CFAP47: variants seen among roughly 807,000 people sequenced by gnomAD.
The protein encoded by CFAP47 is cilia and flagella associated protein 47.
A neutral mutation model predicts 148.1 loss-of-function variants in CFAP47; 29 were observed. The ratio of observed to expected loss-of-function variants is 0.20; its 90% CI spans 0.15 to 0.27. CFAP47 has a LOEUF of 0.27. CFAP47 is among the 10% of genes least tolerant of loss of function. CFAP47 has a pLI of 1.00. For synonymous variants in CFAP47, 664 were observed against 577.3 expected, an observed-to-expected ratio of 1.15 and a Z score of -2.15; for missense variants, 1,872 against 1,697.5, an observed-to-expected ratio of 1.10 and a Z score of -1.81.
At position 36,285,714 on chromosome X, in the gene CFAP47, A is replaced by T. The variant is rs181158804; in HGVS notation, c.7674A>T (p.Thr2558=). 167 of 1,153,746 alleles carry T rather than the reference A, an allele frequency of 1.4e-4. No individual in the cohort carries two copies. Among genetic ancestry groups the T allele is most frequent in the Middle Eastern group, 9.4e-4 (4 of 4,265 alleles). ...CACCCATAGAGATTATGGAAATGAC[A>T]TGTATTGCTCTGGTAAGTGCCCATT... is the stretch of plus-strand genomic sequence containing the variant. ...PGPPIEIMEM[T]CIALDSTCIE... Residue 2558 remains threonine, a synonymous_variant, in exon 51 of 64, where the codon ACA becomes ACT. Transcript: ENST00000378653.
intron 61 of CFAP47, among the ~76,000 whole-genome samples, chrX:36,364,048 A>G (rs782304690): frequency 8.9e-6 from 1 of 111,799 alleles, no homozygotes; most frequent in Non-Finnish European, 1.9e-5. Flanking sequence ...AGAACTTTTT[A>G]CCTGCTCAAG....
intron 51 of CFAP47, 30 bp from the exon 52 acceptor site, chrX:36,298,947 G>T: frequency 9.9e-7 from 1 of 1,011,946 alleles, no homozygotes; most frequent in Non-Finnish European, 1.4e-6. Flanking sequence ...GACACTAAAA[G>T]TTGATTACAT....
intron 44 of CFAP47, among the ~76,000 whole-genome samples, chrX:36,202,334 G>A (rs1048101179): frequency 2.7e-5 from 3 of 111,288 alleles, no homozygotes; most frequent in Non-Finnish European, 5.7e-5. Flanking sequence ...TCCAGCTAAC[G>A]TTTGTTAAAA....
intron 33 of CFAP47, among the ~76,000 whole-genome samples, chrX:36,137,674 T>C (rs1449205935): frequency 9.0e-6 from 1 of 110,920 alleles, no homozygotes; most frequent in African/African-American, 3.3e-5. Flanking sequence ...ATGGGTAATT[T>C]TGAAACATTG....
At chrX:35,972,143 T>G (rs760777521) in intron 13 of CFAP47, among the ~76,000 whole-genome samples, 178 bp downstream of exon 13, 45 of 112,307 alleles carry the variant, frequency 4.0e-4, no homozygotes, top group African/African-American at 1.4e-3. Flanking sequence ...TTTAGTAAAT[T>G]TAAAGTTATA....
At chrX:35,934,456 A>G (rs1258333562) in intron 2 of CFAP47, among the ~76,000 whole-genome samples, 1 of 110,840 alleles carries the variant, frequency 9.0e-6, no homozygotes, top group African/African-American at 3.3e-5. Flanking sequence ...CCTTCAGGTC[A>G]GTAAACTCCC....
Position 35,951,189 on chromosome X carries a change from C to A in CFAP47, c.715C>A (p.Gln239Lys). 2 of 1,210,892 alleles carry A rather than the reference C, an allele frequency of 1.7e-6. No individual in the cohort carries two copies. The highest frequency in any genetic ancestry group is 2.2e-6 in the Non-Finnish European group (2 of 894,999). Residue 239 changes from glutamine (Q) to lysine (K), a missense_variant, in exon 5 of 64, where the codon CAG becomes AAG. Transcript: ENST00000378653. ...GAGTATCAAAGCTCATGTGGTTGAG[C>A]AGATTATTGAATTATTAAGCATGAG... is the stretch of plus-strand genomic sequence containing the variant. The part of the protein sequence containing the change: ...LLSIKAHVVE[Q>K]IIELLSMSSD...
At chrX:35,981,608 G>T (rs953989932) in intron 15 of CFAP47, among the ~76,000 whole-genome samples, 1 of 111,117 alleles carries the variant, frequency 9.0e-6, no homozygotes, top group African/African-American at 3.3e-5. Flanking sequence ...TGGATTTGAT[G>T]TACAGATTGA....
intron 63 of CFAP47, among the ~76,000 whole-genome samples, chrX:36,382,835 CTA>C (rs782242057): frequency 9.0e-6 from 1 of 110,529 alleles, no homozygotes; most frequent in Non-Finnish European, 1.9e-5. Flanking sequence ...TGTGGTAATT[CTA>C]TGAGATGTTA....
At chrX:36,137,328 C>A (rs1422920884) in intron 33 of CFAP47, among the ~76,000 whole-genome samples, 1 of 111,421 alleles carries the variant, frequency 9.0e-6, no homozygotes, top group Non-Finnish European at 1.9e-5. Flanking sequence ...AAATTAACCT[C>A]CACCCAATAT....
chrX:36,319,386 T>A (rs1941460890), intron 57 of CFAP47, 79 bp downstream of exon 57: 1 of 399,031 alleles, frequency 2.5e-6, no homozygotes, highest in Admixed American at 6.1e-5. Flanking sequence ...GTCTGTTGCC[T>A]TAGTAAATAT....
intron 33 of CFAP47, among the ~76,000 whole-genome samples, chrX:36,129,833 T>C (rs1341551886): frequency 9.0e-6 from 1 of 111,058 alleles, no homozygotes; most frequent in Non-Finnish European, 1.9e-5. Flanking sequence ...AACAGCAAAA[T>C]TATGTATCTA....
intron 57 of CFAP47, among the ~76,000 whole-genome samples, chrX:36,329,856 A>G (rs192321885): frequency 6.9e-4 from 77 of 112,006 alleles, no homozygotes; most frequent in Admixed American, 1.3e-3. Context: ...TTGATATACC[A>G]TTAGAATAAT....
chrX:36,366,513 T>A (rs186545352), intron 61 of CFAP47, among the ~76,000 whole-genome samples: 3 of 111,753 alleles, frequency 2.7e-5, no homozygotes, highest in African/African-American at 9.7e-5. Flanking sequence ...AAAATGTATT[T>A]TTTCTTTGTG....
chrX:36,269,630 G>C (rs1176472549), intron 49 of CFAP47, among the ~76,000 whole-genome samples: 1 of 112,141 alleles, frequency 8.9e-6, no homozygotes, highest in Non-Finnish European at 1.9e-5. Context: ...TCTGAAACAT[G>C]CAGTGTATAT....
intron 50 of CFAP47, among the ~76,000 whole-genome samples, chrX:36,284,734 G>C (rs1012782543): frequency 9.0e-6 from 1 of 111,395 alleles, no homozygotes; most frequent in Non-Finnish European, 1.9e-5. Context: ...GAGGCCCAAA[G>C]AGGTTAGCAA....
chrX:36,188,464 G>A (rs1939831225), intron 40 of CFAP47, among the ~76,000 whole-genome samples, 156 bp from the exon 41 acceptor site: 1 of 111,693 alleles, frequency 9.0e-6, no homozygotes, highest in Admixed American at 9.5e-5. Flanking sequence ...AAAACAATGT[G>A]AACATCAAAT....
chrX:36,350,756 A>G (rs782765008), intron 59 of CFAP47, among the ~76,000 whole-genome samples: 4 of 107,993 alleles, frequency 3.7e-5, no homozygotes, highest in Non-Finnish European at 7.7e-5. Flanking sequence ...TCTTTCCTCA[A>G]TACTCTTCTC....
chrX:35,940,189 A>C (rs1299110327), intron 2 of CFAP47, among the ~76,000 whole-genome samples: 1 of 110,752 alleles, frequency 9.0e-6, no homozygotes, highest in Admixed American at 9.6e-5. Flanking sequence ...TAGATTCTGG[A>C]TATTAGCCCT....
Sources: gnomAD v4.1 joint callset for allele counts (sites outside exome capture counted in the v4.1 genomes callset) on GRCh38, gnomAD v4.1.1 for gene constraint, MANE v1.5 for transcripts, NCBI Gene and HGNC (gene_info 2026-07-23, HGNC 2026-07-21) for gene names.